SOX5: variants seen among roughly 807,000 people sequenced by gnomAD.
SOX5 encodes SRY-box transcription factor 5.
In SOX5, 9 loss-of-function variants were observed where a neutral mutation model predicts 92.0. The observed-to-expected ratio is 0.10, with a 90% CI of 0.06 to 0.17. The LOEUF is 0.17. Ranked by LOEUF, SOX5 falls within the 10% of genes least tolerant of loss-of-function variation. SOX5 has a pLI of 1.00. For missense variants in SOX5, 642 were observed against 944.5 expected (o/e 0.68, Z 4.20); for synonymous variants, 344 against 336.3 (o/e 1.02, Z -0.25).
intron 9 of SOX5, among the ~76,000 whole-genome samples, chr12:23,603,290 T>C (rs1016308047): frequency 6.6e-6 from 1 of 151,724 alleles, no homozygotes; most frequent in African/African-American, 2.4e-5. Flanking sequence ...TCTTGGATTT[T>C]TCTCTTTTAA....
At chr12:24,263,543 A>AAAAAAAAAAAAC (rs1942539707) in intron 3 of SOX5, among the ~76,000 whole-genome samples, 1 of 143,850 alleles carries the variant, frequency 7.0e-6, no homozygotes, top group Admixed American at 7.1e-5. Context: ...AAAAAAAACA[A>AAAAAAAAAAAAC]AAAAAAAAAC....
At chr12:23,791,115 G>A (rs1227138025) in intron 3 of SOX5, among the ~76,000 whole-genome samples, 4 of 152,124 alleles carry the variant, frequency 2.6e-5, no homozygotes, top group African/African-American at 7.2e-5. Flanking sequence ...TAATTACACA[G>A]AGGCAGCTTT....
At chr12:24,162,305 A>G (rs940116279) in intron 4 of SOX5, among the ~76,000 whole-genome samples, 9 of 152,276 alleles carry the variant, frequency 5.9e-5, no homozygotes, top group African/African-American at 2.2e-4. Flanking sequence ...CTTCTGGATT[A>G]ATAAGCTAGT....
chr12:24,553,974 G>T (rs981874253), intron 1 of SOX5, among the ~76,000 whole-genome samples: 3 of 152,212 alleles, frequency 2.0e-5, no homozygotes, highest in Admixed American at 1.3e-4. Context: ...GAGGCTGAGA[G>T]TGAAGTAAGA....
intron 4 of SOX5, among the ~76,000 whole-genome samples, chr12:24,139,505 G>A (rs1241131910): frequency 2.0e-5 from 3 of 152,158 alleles, no homozygotes; most frequent in Non-Finnish European, 4.4e-5. Context: ...TAATATTGTG[G>A]TCAATTGGTC....
chr12:23,620,635 C>A (rs1007936374), intron 8 of SOX5, among the ~76,000 whole-genome samples: 1 of 151,952 alleles, frequency 6.6e-6, no homozygotes, highest in Non-Finnish European at 1.5e-5. Context: ...AAAATGAGTC[C>A]TTTTCACTAC....
At chr12:23,549,021 T>TCAC (rs1228733544) in intron 11 of SOX5, among the ~76,000 whole-genome samples, 6 of 152,028 alleles carry the variant, frequency 3.9e-5, no homozygotes, top group Admixed American at 1.3e-4. Context: ...CTGAAAGAGT[T>TCAC]CACCTATGCA....
At chr12:24,295,089 G>T (rs1195597537) in intron 2 of SOX5, among the ~76,000 whole-genome samples, 1 of 139,052 alleles carries the variant, frequency 7.2e-6, no homozygotes. Context: ...TCATGTATAA[G>T]GTATATATAT....
chr12:23,797,943 GT>G (rs1001019179), intron 3 of SOX5, among the ~76,000 whole-genome samples: 3 of 151,570 alleles, frequency 2.0e-5, no homozygotes, highest in African/African-American at 7.3e-5. Flanking sequence ...GTTTTGTTTG[GT>G]TTTGTTTTTT....
rs751527840 is a variant in SOX5, at chr12:23,895,973, T to C, written c.90A>G (p.Val30=). Residue 30 remains valine, a synonymous_variant, in exon 2 of 15, where the codon GTA becomes GTG. Coordinates refer to ENST00000451604, the MANE Select transcript of SOX5 (RefSeq NM_006940.6). The part of the protein sequence containing the change: ...ASPYGEADGE[V]AMVTSRQKVE... ...CTTTCTGTCTGCTTGTCACCATGGC[T>C]ACCTCTCCATCTGCTTCCCCATACG... 8.1e-6 allele frequency: 13 copies of C among 1,614,026 alleles called. No homozygotes were observed. Among genetic ancestry groups the C allele is most frequent in the Non-Finnish European group, 1.0e-5 (12 of 1,179,906 alleles).
intron 1 of SOX5, among the ~76,000 whole-genome samples, chr12:23,944,695 A>T (rs1402397778): frequency 1.3e-5 from 2 of 152,172 alleles, no homozygotes; most frequent in African/African-American, 4.8e-5. Context: ...TGATGCTATC[A>T]ATCAATGAAA....
intron 8 of SOX5, among the ~76,000 whole-genome samples, chr12:23,616,703 G>A (rs2076596215): frequency 6.6e-6 from 1 of 152,144 alleles, no homozygotes; most frequent in Admixed American, 6.5e-5. Context: ...TATGTCAGTG[G>A]AGCATAATTG....
chr12:23,990,807 G>T (rs1950488223), intron 4 of SOX5, among the ~76,000 whole-genome samples: 1 of 152,076 alleles, frequency 6.6e-6, no homozygotes, highest in African/African-American at 2.4e-5. Context: ...CATCGTAGGT[G>T]CTTAACAGTG....
intron 1 of SOX5, among the ~76,000 whole-genome samples, chr12:24,470,788 CA>C (rs1325924838): frequency 1.3e-5 from 2 of 152,088 alleles, no homozygotes; most frequent in Admixed American, 1.3e-4. Flanking sequence ...CTAACCTTTC[CA>C]AACCTCAGTT....
At chr12:23,835,514 G>A (rs1454473552) in intron 3 of SOX5, among the ~76,000 whole-genome samples, 1 of 151,578 alleles carries the variant, frequency 6.6e-6, no homozygotes, top group East Asian at 1.9e-4. Flanking sequence ...TCTAAAATGA[G>A]TTTTTTCTTA....
chr12:24,273,700 TTTAA>T (rs1426162560), intron 3 of SOX5, among the ~76,000 whole-genome samples: 1 of 152,208 alleles, frequency 6.6e-6, no homozygotes, highest in African/African-American at 2.4e-5. Flanking sequence ...TTGTTCTTAC[TTTAA>T]TTAATTTCTT....
intron 3 of SOX5, among the ~76,000 whole-genome samples, chr12:23,782,758 G>A (rs567209931): frequency 6.6e-5 from 10 of 152,232 alleles, no homozygotes; most frequent in African/African-American, 1.9e-4. Flanking sequence ...AAGTGCTTCA[G>A]TATTCCGAAC....
rs796107268 is a variant in SOX5, at chr12:23,644,551, T to C, written c.932-3654A>G. On this transcript the variant is annotated intron_variant, in intron 7 of 14. Transcript: ENST00000451604. ...AGAACAGACAACTACACTGAGGTGT[T>C]TTACAGTAGCTAGTGAAAGTTGTGT... Among the ~76,000 whole-genome samples the C allele has an allele frequency of 5.9e-5, 9 of 152,298 alleles. No individual in the cohort carries two copies. The East Asian group carries it at 1.5e-3, about 26-fold the overall frequency.
rs189284169 is a variant in SOX5 at position 24,013,287 on chromosome 12, A to G, written c.-1-117263T>C. On this transcript the variant is annotated intron_variant, in intron 4 of 4. Transcript: ENST00000446891. ...GGCTAGTCTGAACAGTGTTGACTTA[A>G]CTGCTATAACTACTTCCCTGTATAT... 3.3e-5 allele frequency among the ~76,000 whole-genome samples: 5 copies of G among 152,284 alleles called. No homozygotes were observed. The East Asian group carries it at 9.6e-4, about 29-fold the overall frequency.
Sources: allele counts gnomAD v4.1 joint callset (sites outside exome capture counted in the v4.1 genomes callset), GRCh38; gene constraint gnomAD v4.1.1; transcripts MANE v1.5; gene names NCBI Gene and HGNC (gene_info 2026-07-23, HGNC 2026-07-21).